Variants in VAV3 observed in about 807,000 individuals in gnomAD.
The protein encoded by VAV3 is guanine nucleotide exchange factor VAV3.
In VAV3, 94 loss-of-function variants were observed where a neutral mutation model predicts 131.2. The observed-to-expected ratio is 0.72, with a 90% CI of 0.61 to 0.85. The LOEUF (loss-of-function observed/expected upper bound fraction) is 0.85. Among genes scored for constraint, VAV3 ranks in the 40% least tolerant of loss-of-function variants. The pLI, the probability that VAV3 is intolerant of heterozygous loss-of-function variation, is 0.00. For missense variants in VAV3, 939 were observed against 1,002.7 expected, an observed-to-expected ratio of 0.94 and a Z score of 0.86; for synonymous variants, 349 against 342.0, an observed-to-expected ratio of 1.02 and a Z score of -0.22.
At chr1:107,685,138 C>A (rs1295807148) in intron 18 of VAV3, among the ~76,000 whole-genome samples, 1 of 152,126 alleles carries the variant, frequency 6.6e-6, no homozygotes, top group East Asian at 1.9e-4. Flanking sequence ...GAACTATAAA[C>A]TTAAAATGTG....
intron 2 of VAV3, among the ~76,000 whole-genome samples, chr1:107,790,392 G>A (rs1235354345): frequency 6.6e-6 from 1 of 152,212 alleles, no homozygotes; most frequent in Non-Finnish European, 1.5e-5. Flanking sequence ...GACCTTGCCT[G>A]CAAAGTATTC....
chr1:107,753,341 C>T (rs1339633308), intron 12 of VAV3, among the ~76,000 whole-genome samples: 1 of 151,418 alleles, frequency 6.6e-6, no homozygotes, highest in Non-Finnish European at 1.5e-5. Context: ...TTAATGAGTA[C>T]AGAGTTTCAG....
Position 107,816,598 on chromosome 1 carries a change from C to T in VAV3, c.322-37106G>A, listed in dbSNP as rs186277651. On this transcript the variant is annotated intron_variant, in intron 2 of 26. Coordinates refer to ENST00000370056, the MANE Select transcript of VAV3 (RefSeq NM_006113.5). ...CTAAATAGGCCTGCCTATAGGGGTTCATTGGTATTTAGGCTTAATGCTTGT... is the reference window on the plus strand; with the variant it reads ...CTAAATAGGCCTGCCTATAGGGGTTTATTGGTATTTAGGCTTAATGCTTGT... 3.8e-3 allele frequency among the ~76,000 whole-genome samples: 580 copies of T among 152,230 alleles called. 3 individuals are homozygous for T. Among genetic ancestry groups the T allele is most frequent in the Non-Finnish European group, 5.9e-3 (402 of 68,012 alleles).
chr1:107,770,979 T>G (rs1271738267), intron 5 of VAV3, among the ~76,000 whole-genome samples: 1 of 152,190 alleles, frequency 6.6e-6, no homozygotes, highest in Non-Finnish European at 1.5e-5. Flanking sequence ...TATCTCTTAC[T>G]AAAATGTTCA....
At chr1:107,899,074 T>C (rs138457766) in intron 1 of VAV3, among the ~76,000 whole-genome samples, 5 of 152,200 alleles carry the variant, frequency 3.3e-5, no homozygotes, top group African/African-American at 7.2e-5. Context: ...ATGAAGATGA[T>C]GAAAGTATGT....
At chr1:107,785,649 G>C (rs1048607136) in intron 2 of VAV3, 1 of 1,119,318 alleles carries the variant, frequency 8.9e-7, no homozygotes, top group South Asian at 2.0e-5. Context: ...TGCCCTGTGG[G>C]GTTGTGGAGA....
intron 13 of VAV3, 67 bp from the exon 14 acceptor site, chr1:107,749,661 G>C: frequency 6.5e-7 from 1 of 1,541,568 alleles, no homozygotes; most frequent in South Asian, 1.2e-5. Flanking sequence ...ATTTTTTTGG[G>C]TATAAAGCAA....
chr1:107,832,821 G>A (rs1668311975), intron 2 of VAV3, among the ~76,000 whole-genome samples: 1 of 152,186 alleles, frequency 6.6e-6, no homozygotes, highest in South Asian at 2.1e-4. Context: ...AATGTAAACT[G>A]CTGAATCATA....
chr1:107,858,133 CTT>C (rs1337872052), intron 2 of VAV3, among the ~76,000 whole-genome samples: 6 of 152,234 alleles, frequency 3.9e-5, no homozygotes, highest in Non-Finnish European at 8.8e-5. Context: ...GTTAACCACT[CTT>C]AAAGATATAC....
chr1:107,665,132 G>A (rs1330565201), intron 19 of VAV3, among the ~76,000 whole-genome samples: 3 of 152,224 alleles, frequency 2.0e-5, no homozygotes, highest in East Asian at 3.9e-4. Flanking sequence ...GTCTGGAGGA[G>A]TCAATAAAAG....
intron 2 of VAV3, among the ~76,000 whole-genome samples, chr1:107,788,981 C>G (rs1466200818): frequency 6.6e-6 from 1 of 152,186 alleles, no homozygotes. Context: ...AGTAGCAACT[C>G]CAGCAGAGTG....
intron 15 of VAV3, among the ~76,000 whole-genome samples, chr1:107,725,787 A>T (rs1267526684): frequency 6.6e-6 from 1 of 152,202 alleles, no homozygotes; most frequent in Admixed American, 6.5e-5. Context: ...TGTTGGGATT[A>T]CAGGTGTGAG....
At chr1:107,918,385 TC>T (rs1371728342) in intron 1 of VAV3, among the ~76,000 whole-genome samples, 1 of 152,086 alleles carries the variant, frequency 6.6e-6, no homozygotes, top group Non-Finnish European at 1.5e-5. Flanking sequence ...TCCCTACAAA[TC>T]TGAACACAAC....
At chr1:107,687,621 G>T (rs1659126923) in intron 18 of VAV3, among the ~76,000 whole-genome samples, 1 of 152,080 alleles carries the variant, frequency 6.6e-6, no homozygotes, top group South Asian at 2.1e-4. Flanking sequence ...GGCAATGATT[G>T]TCTGGGAACC....
Position 107,934,859 on chromosome 1 carries a change from G to A in VAV3, c.204+29807C>T, listed in dbSNP as rs561761738. Among the ~76,000 whole-genome samples, 17 of 152,292 alleles carry A rather than the reference G, an allele frequency of 1.1e-4. No individual in the cohort carries two copies. The South Asian group carries it at 1.9e-3, about 17-fold the overall frequency. On this transcript the variant is annotated intron_variant, in intron 1 of 26. Coordinates refer to ENST00000370056, the MANE Select transcript of VAV3 (RefSeq NM_006113.5). The stretch of plus-strand genomic sequence containing the variant: ...AAGCACATGCTAAACAAAATATAGC[G>A]GCACAGCGAGGCAAATGAGAGGAGA...
chr1:107,922,034 T>C (rs1347583376), intron 1 of VAV3, among the ~76,000 whole-genome samples: 1 of 152,174 alleles, frequency 6.6e-6, no homozygotes, highest in Non-Finnish European at 1.5e-5. Context: ...TGAGGAAGAT[T>C]CAGTGCTTGT....
chr1:107,630,038 T>C (rs112865898), intron 20 of VAV3, among the ~76,000 whole-genome samples: 3 of 152,156 alleles, frequency 2.0e-5, no homozygotes, highest in African/African-American at 7.2e-5. Flanking sequence ...AAAGACATTT[T>C]TGAAATCAAA....
At chr1:107,894,601 A>G (rs1320570293) in intron 1 of VAV3, among the ~76,000 whole-genome samples, 1 of 152,220 alleles carries the variant, frequency 6.6e-6, no homozygotes, top group Admixed American at 6.5e-5. Flanking sequence ...TAAAGAGACA[A>G]TATGGTTACA....
At chr1:107,688,067 A>G (rs1659158220) in intron 18 of VAV3, among the ~76,000 whole-genome samples, 1 of 152,178 alleles carries the variant, frequency 6.6e-6, no homozygotes, top group Admixed American at 6.5e-5. Flanking sequence ...ACATTTCATG[A>G]CGGGGACGCA....
Sources: gnomAD v4.1 joint callset for allele counts (sites outside exome capture counted in the v4.1 genomes callset) on GRCh38, gnomAD v4.1.1 for gene constraint, MANE v1.5 for transcripts, NCBI Gene and HGNC (gene_info 2026-07-23, HGNC 2026-07-21) for gene names.